Variants in GRK3 observed in about 807,000 individuals in gnomAD.
GRK3 encodes adrenergic, beta, receptor kinase 2.
GRK3 carries 54 observed loss-of-function variants against 95.7 expected under a neutral mutation model. The ratio of observed to expected loss-of-function variants is 0.56; its 90% CI spans 0.45 to 0.71. The LOEUF (loss-of-function observed/expected upper bound fraction) is 0.71, where lower values mean the gene tolerates loss of function less well. Among genes scored for constraint, GRK3 ranks in the 30% least tolerant of loss-of-function variants. The pLI is 0.00. For synonymous variants in GRK3, 281 were observed against 290.8 expected (o/e 0.97, Z 0.34); for missense variants, 649 against 851.2 (o/e 0.76, Z 2.96).
At chr22:25,567,123 A>T (rs1931519960) in intron 1 of GRK3, among the ~76,000 whole-genome samples, 1 of 152,186 alleles carries the variant, frequency 6.6e-6, no homozygotes, top group Non-Finnish European at 1.5e-5. Context: ...AGTGACAGCC[A>T]GCATTATTTC....
chr22:25,617,217 C>T (rs1601477213), intron 2 of GRK3, among the ~76,000 whole-genome samples: 2 of 152,162 alleles, frequency 1.3e-5, no homozygotes, highest in Non-Finnish European at 2.9e-5. Flanking sequence ...TTGGAATTTG[C>T]TCTTTAGGAA....
At chr22:25,582,380 A>T (rs1932131892) in intron 1 of GRK3, among the ~76,000 whole-genome samples, 1 of 152,168 alleles carries the variant, frequency 6.6e-6, no homozygotes, top group East Asian at 1.9e-4. Flanking sequence ...GAAAAATTTT[A>T]AAAAATCTGA....
chr22:25,583,507 C>A (rs1378474588), intron 1 of GRK3, among the ~76,000 whole-genome samples: 1 of 152,052 alleles, frequency 6.6e-6, no homozygotes, highest in Non-Finnish European at 1.5e-5. Flanking sequence ...GCTGTAGTGA[C>A]CTGGGTTCTG....
At chr22:25,673,298 A>G (rs1352324495) in intron 7 of GRK3, among the ~76,000 whole-genome samples, 1 of 151,832 alleles carries the variant, frequency 6.6e-6, no homozygotes, top group Non-Finnish European at 1.5e-5. Flanking sequence ...TCCTGACCTC[A>G]TGATCAGCCC....
chr22:25,606,990 A>G (rs1486279332), intron 2 of GRK3, among the ~76,000 whole-genome samples: 2 of 152,250 alleles, frequency 1.3e-5, no homozygotes. Context: ...GCAGATGCTC[A>G]GTGAATAGAA....
intron 2 of GRK3, among the ~76,000 whole-genome samples, chr22:25,605,650 G>A (rs189979223): frequency 1.1e-3 from 172 of 152,288 alleles, no homozygotes; most frequent in Admixed American, 8.2e-3. Flanking sequence ...TGTATTCACC[G>A]TCATACAACC....
chr22:25,615,448 TG>T (rs2084531093), intron 2 of GRK3, among the ~76,000 whole-genome samples: 1 of 152,238 alleles, frequency 6.6e-6, no homozygotes, highest in Non-Finnish European at 1.5e-5. Flanking sequence ...TAGATTTTTT[TG>T]GAGATAGCTT....
At chr22:25,714,341 G>A (rs2085366420) in intron 17 of GRK3, 67 bp from the exon 18 acceptor site, 1 of 1,383,744 alleles carries the variant, frequency 7.2e-7, no homozygotes, top group Non-Finnish European at 9.9e-7. Context: ...CATGGATGTG[G>A]CGCCGCGGAC....
intron 2 of GRK3, among the ~76,000 whole-genome samples, chr22:25,611,752 T>C (rs2084498866): frequency 6.6e-6 from 1 of 152,094 alleles, no homozygotes; most frequent in South Asian, 2.1e-4. Context: ...ATTTTCCTAA[T>C]GGTGACTTTT....
chr22:25,653,740 C>A (rs2084850527), intron 3 of GRK3, among the ~76,000 whole-genome samples: 1 of 152,126 alleles, frequency 6.6e-6, no homozygotes, highest in Non-Finnish European at 1.5e-5. Flanking sequence ...GTTGCCCAGG[C>A]AATGCAGTGA....
At chr22:25,687,068 C>T (rs554048978) in intron 10 of GRK3, among the ~76,000 whole-genome samples, 26 of 152,300 alleles carry the variant, frequency 1.7e-4, no homozygotes, top group South Asian at 8.3e-4. Context: ...GATCCACCCA[C>T]CTCAGCCTCC....
At chr22:25,632,562 T>C (rs2084671319) in intron 2 of GRK3, among the ~76,000 whole-genome samples, 1 of 152,244 alleles carries the variant, frequency 6.6e-6, no homozygotes, top group Admixed American at 6.5e-5. Context: ...TTCACTCTTA[T>C]AGATCTTGTT....
intron 6 of GRK3, among the ~76,000 whole-genome samples, chr22:25,670,946 C>T (rs1406907580): frequency 1.3e-5 from 2 of 148,858 alleles, no homozygotes; most frequent in African/African-American, 2.5e-5. Context: ...CCCAGCTACT[C>T]GGGAGGCCGA....
chr22:25,716,277 T>C (rs2146470757), intron 18 of GRK3, among the ~76,000 whole-genome samples: 1 of 152,304 alleles, frequency 6.6e-6, no homozygotes. Context: ...CGTGAGCCAC[T>C]GCGCCCGGCC....
At chr22:25,607,288 T>A (rs2146343278) in intron 2 of GRK3, among the ~76,000 whole-genome samples, 1 of 152,274 alleles carries the variant, frequency 6.6e-6, no homozygotes, top group Admixed American at 6.5e-5. Flanking sequence ...AAACGTGAAA[T>A]TTATCATGAT....
At chr22:25,565,342 G>T (rs549516327) in intron 1 of GRK3, among the ~76,000 whole-genome samples, 189 bp downstream of exon 1, 147 of 152,264 alleles carry the variant, frequency 9.7e-4, no homozygotes, top group African/African-American at 3.4e-3. Context: ...GGCCGGTGGG[G>T]GGCACCCCGG....
intron 13 of GRK3, among the ~76,000 whole-genome samples, chr22:25,702,055 A>G (rs568808699): frequency 1.3e-5 from 2 of 151,496 alleles, no homozygotes; most frequent in Non-Finnish European, 2.9e-5. Context: ...AAGTTAACAA[A>G]TGCTTGCTGG....
Position 25,726,442 on chromosome 22 carries a change from G to A in GRK3, c.*3992G>A, listed in dbSNP as rs1014851780. The A allele has an allele frequency of 5.9e-5, 9 of 152,082 alleles. No homozygotes were observed. Among genetic ancestry groups the A allele is most frequent in the Non-Finnish European group, 1.0e-4 (7 of 68,022 alleles). The allele number at this position is 152,082 out of a possible 1,614,324, so 9.4% of individuals were successfully genotyped here. ...TCATATGCAGTGTTGTCTCAGTTAC[G>A]TTCAGGGAAATGTTTCTGTGTCATT... is the stretch of plus-strand genomic sequence containing the variant. On this transcript the variant is annotated 3_prime_UTR_variant, in exon 21 of 21. Coordinates refer to ENST00000324198, the MANE Select transcript of GRK3 (RefSeq NM_005160.4).
At chr22:25,582,449 A>G (rs1932134279) in intron 1 of GRK3, among the ~76,000 whole-genome samples, 1 of 152,226 alleles carries the variant, frequency 6.6e-6, no homozygotes, top group Admixed American at 6.5e-5. Flanking sequence ...TGAAGATGTC[A>G]GGTCTCCACA....
Sources: gnomAD v4.1 joint callset for allele counts (sites outside exome capture counted in the v4.1 genomes callset) on GRCh38, gnomAD v4.1.1 for gene constraint, MANE v1.5 for transcripts, NCBI Gene and HGNC (gene_info 2026-07-23, HGNC 2026-07-21) for gene names.